Variants in PCDHGA2 observed in about 807,000 individuals in gnomAD.
PCDHGA2 encodes protocadherin gamma subfamily A, 2.
A neutral mutation model predicts 59.2 loss-of-function variants in PCDHGA2; 40 were observed. The observed-to-expected ratio is 0.68, with a 90% CI of 0.52 to 0.88. The LOEUF is 0.88. PCDHGA2 is among the 40% of genes least tolerant of loss of function. The pLI is 0.00. For synonymous variants in PCDHGA2, 560 were observed against 526.0 expected, an observed-to-expected ratio of 1.06 and a Z score of -0.89; for missense variants, 1,226 against 1,204.0, an observed-to-expected ratio of 1.02 and a Z score of -0.27.
intron 1 of PCDHGA2, among the ~76,000 whole-genome samples, chr5:141,482,757 T>G: frequency 7.9e-6 from 1 of 127,194 alleles, no homozygotes; most frequent in Admixed American, 7.7e-5. Flanking sequence ...GATTATGGTA[T>G]TTCATTATCA....
In PCDHGA2 at chr5:141,474,831, G is replaced by A. The variant is rs188288898; in HGVS notation, c.2425-19976G>A. On this transcript the variant is annotated intron_variant, in intron 1 of 3. Coordinates refer to ENST00000394576, the MANE Select transcript of PCDHGA2 (RefSeq NM_018915.4). ...CATCATTAATTGAGGCTTACTCTGTGCCAGGCACTTTACCTGCCTTCTTCA... is the reference window on the plus strand; with the variant it reads ...CATCATTAATTGAGGCTTACTCTGTACCAGGCACTTTACCTGCCTTCTTCA... 5.3e-5 allele frequency among the ~76,000 whole-genome samples: 8 copies of A among 152,350 alleles called. No individual in the cohort carries two copies. The East Asian group carries it at 1.5e-3, about 29-fold the overall frequency.
chr5:141,393,408 G>T (rs2092753153), intron 1 of PCDHGA2: 1 of 1,614,022 alleles, frequency 6.2e-7, no homozygotes, highest in East Asian at 2.2e-5. Context: ...GCTGGAGCGC[G>T]CCCTGGACAG....
intron 1 of PCDHGA2, among the ~76,000 whole-genome samples, chr5:141,467,075 C>A (rs2099136382): frequency 6.9e-6 from 1 of 145,470 alleles, no homozygotes; most frequent in Non-Finnish European, 1.5e-5. Flanking sequence ...TTTTTTTAGA[C>A]CAAGTCTCAC....
Position 141,490,611 on chromosome 5 carries a change from G to GCTTTA in PCDHGA2, c.2425-4194_2425-4190dup. On this transcript the variant is annotated intron_variant, in intron 1 of 3. Coordinates refer to ENST00000394576, the MANE Select transcript of PCDHGA2 (RefSeq NM_018915.4). The surrounding 1 kb of genome is among the most constrained non-coding windows in gnomAD (Gnocchi z 5.4). The stretch of plus-strand genomic sequence containing the variant: ...ACAATGCACCCCGCTTCAACCAGCA[G>GCTTTA]CTTTACACTGCTTACATCCTAGAAA... 6.2e-7 allele frequency: 1 copy of GCTTTA among 1,614,170 alleles called. No individual in the cohort carries two copies. Among genetic ancestry groups the GCTTTA allele is most frequent in the Non-Finnish European group, 8.5e-7 (1 of 1,180,036 alleles).
intron 1 of PCDHGA2, chr5:141,408,623 G>T: frequency 6.2e-7 from 1 of 1,614,004 alleles, no homozygotes; most frequent in Non-Finnish European, 8.5e-7. Context: ...AATACATTTA[G>T]AAATTTTCGA....
chr5:141,419,869 G>A, intron 1 of PCDHGA2: 3 of 1,614,072 alleles, frequency 1.9e-6, no homozygotes, highest in South Asian at 1.1e-5. Flanking sequence ...GCTTGCAAGA[G>A]GTACTGCCGG....
At chr5:141,488,207 TC>T (rs2099672969) in intron 1 of PCDHGA2, among the ~76,000 whole-genome samples, 1 of 152,216 alleles carries the variant, frequency 6.6e-6, no homozygotes, top group Non-Finnish European at 1.5e-5. Context: ...AGGACTCATA[TC>T]AAGTCCCTAC....
chr5:141,489,467 C>G lies in PCDHGA2; in HGVS notation c.2425-5340C>G. 1 of 1,614,076 alleles carries G rather than the reference C, an allele frequency of 6.2e-7. No individual in the cohort carries two copies. The highest frequency in any genetic ancestry group is 8.5e-7 in the Non-Finnish European group (1 of 1,180,026). Reference sequence around the variant, plus strand: ...TCTGAGGAGAATGGGCGCTATTTTTCCCTGAGCTTGATGAGTGGTGCCCTG... The same window carrying G: ...TCTGAGGAGAATGGGCGCTATTTTTGCCTGAGCTTGATGAGTGGTGCCCTG... On this transcript the variant is annotated intron_variant, in intron 1 of 3. Transcript: ENST00000394576. The surrounding 1 kb of genome is among the most constrained non-coding windows in gnomAD (Gnocchi z 4.5).
At chr5:141,409,618 G>T (rs374484255) in intron 1 of PCDHGA2, 77 of 1,613,776 alleles carry the variant, frequency 4.8e-5, no homozygotes, top group Non-Finnish European at 6.3e-5. Context: ...CCTCCATTGC[G>T]CAAGTGAGCG....
intron 1 of PCDHGA2, chr5:141,355,662 TC>T: frequency 6.2e-7 from 1 of 1,613,996 alleles, no homozygotes; most frequent in Non-Finnish European, 8.5e-7. Context: ...GATTTCCTCT[TC>T]CTGAAGCTTT....
chr5:141,357,328 G>C, intron 1 of PCDHGA2: 2 of 1,614,102 alleles, frequency 1.2e-6, no homozygotes, highest in Non-Finnish European at 1.7e-6. Context: ...TTTTGTCACG[G>C]TGCTGCTAGC....
At chr5:141,362,450 C>A (rs766571642) in intron 1 of PCDHGA2, 1 of 1,614,050 alleles carries the variant, frequency 6.2e-7, no homozygotes, top group Non-Finnish European at 8.5e-7. Flanking sequence ...AACATAACCC[C>A]GGAATTGGTT....
At position 141,399,851 on chromosome 5, in the gene PCDHGA2, C is replaced by G. The variant is rs971471583; in HGVS notation, c.2424+58456C>G. 7 of 1,612,832 alleles carry G rather than the reference C, an allele frequency of 4.3e-6. No individual in the cohort carries two copies. In the African/African-American group the frequency reaches 6.7e-5, roughly 15 times the overall value. Reference sequence around the variant, plus strand: ...GGCTCTGCGCTCTTCGATATGGTGCCGCGCGCTGCAGAGCCCGGCTACCTG... The same window carrying G: ...GGCTCTGCGCTCTTCGATATGGTGCGGCGCGCTGCAGAGCCCGGCTACCTG... On this transcript the variant is annotated intron_variant, in intron 1 of 3. Coordinates refer to ENST00000394576, the MANE Select transcript of PCDHGA2 (RefSeq NM_018915.4).
intron 1 of PCDHGA2, chr5:141,364,768 G>C: frequency 6.2e-7 from 1 of 1,613,956 alleles, no homozygotes; most frequent in Non-Finnish European, 8.5e-7. Context: ...ATGAAAATGC[G>C]GCTGCAGGGA....
In PCDHGA2 at chr5:141,489,835, C is replaced by G; in HGVS notation, c.2425-4972C>G. On this transcript the variant is annotated intron_variant, in intron 1 of 3. Transcript: ENST00000394576. This position sits in a 1 kb window ranked among gnomAD's most constrained non-coding sequence, Gnocchi z 4.5. Reference sequence around the variant, plus strand: ...ATTCCCAGAGCTGGTGCTAGAGCAGCAGCTGGATCGTGAAGCCCAGGCAAG... The same window carrying G: ...ATTCCCAGAGCTGGTGCTAGAGCAGGAGCTGGATCGTGAAGCCCAGGCAAG... The G allele has an allele frequency of 6.2e-7, 1 of 1,614,164 alleles. No homozygotes were observed. Among genetic ancestry groups the G allele is most frequent in the Non-Finnish European group, 8.5e-7 (1 of 1,179,972 alleles).
intron 1 of PCDHGA2, among the ~76,000 whole-genome samples, chr5:141,471,163 G>GC (rs202115056): frequency 0.11 from 16,237 of 150,562 alleles, 892 homozygotes; most frequent in South Asian, 0.15. Context: ...GATTCTCCTG[G>GC]CTCAGCCTCC....
intron 1 of PCDHGA2, among the ~76,000 whole-genome samples, chr5:141,405,659 G>A (rs867774573): frequency 2.0e-5 from 3 of 152,106 alleles, no homozygotes; most frequent in Non-Finnish European, 4.4e-5. Flanking sequence ...TGTGTTTTTA[G>A]TAGAGACGGG....
rs763582836 is a variant in PCDHGA2 at position 141,404,442 on chromosome 5, A to G, written c.2424+63047A>G. Reference sequence around the variant, plus strand: ...TACTCCTTGGCAGAGGATACCATCCAAGGGTCTCCTCTCTCCACCTATGTC... The same window carrying G: ...TACTCCTTGGCAGAGGATACCATCCGAGGGTCTCCTCTCTCCACCTATGTC... On this transcript the variant is annotated intron_variant, in intron 1 of 3. Transcript: ENST00000394576. 21 of 1,610,906 alleles carry G rather than the reference A, an allele frequency of 1.3e-5. No homozygotes were observed. In the Admixed American group the frequency reaches 3.5e-4, roughly 27 times the overall value.
intron 1 of PCDHGA2, chr5:141,371,489 C>A (rs548103153): frequency 6.2e-6 from 10 of 1,613,918 alleles, no homozygotes; most frequent in Non-Finnish European, 8.5e-6. Flanking sequence ...TGGGGACTGC[C>A]GTTGCCCTGA....
Sources: allele counts gnomAD v4.1 joint callset (sites outside exome capture counted in the v4.1 genomes callset), GRCh38; gene constraint gnomAD v4.1.1; non-coding constraint Gnocchi (gnomAD v3.1); transcripts MANE v1.5; gene names NCBI Gene and HGNC (gene_info 2026-07-23, HGNC 2026-07-21).